TPRG1: variants seen among roughly 807,000 people sequenced by gnomAD.
TPRG1 encodes the protein tumor protein p63 regulated 1.
A neutral mutation model predicts 29.3 loss-of-function variants in TPRG1; 29 were observed. The observed-to-expected ratio is 0.99, with a 90% CI of 0.74 to 1.35. TPRG1 has a LOEUF of 1.35. Ranked by LOEUF, TPRG1 falls within the 40% of genes most tolerant of loss-of-function variation. The probability of loss-of-function intolerance (pLI) is 0.00; values close to 1 mark genes in which losing one functional copy is unlikely to be tolerated. For missense variants in TPRG1, 327 were observed against 335.0 expected, an observed-to-expected ratio of 0.98 and a Z score of 0.19; for synonymous variants, 130 against 116.8, an observed-to-expected ratio of 1.11 and a Z score of -0.73.
rs557580549 is a variant in TPRG1, at chr3:189,202,224, G to A, written c.-9-5152G>A. Among the ~76,000 whole-genome samples, 8 of 152,220 alleles carry A rather than the reference G, an allele frequency of 5.3e-5. No homozygotes were observed. The South Asian group carries it at 8.3e-4, about 16-fold the overall frequency. ...GGAAAGAATCATCTTAAGATCATGCGGTTTTTCTGTAGGACAGAAATCTTT... is the reference window on the plus strand; with the variant it reads ...GGAAAGAATCATCTTAAGATCATGCAGTTTTTCTGTAGGACAGAAATCTTT... On this transcript the variant is annotated intron_variant, in intron 1 of 5. Coordinates refer to ENST00000345063, the MANE Select transcript of TPRG1 (RefSeq NM_198485.4).
rs547402057 is a variant in TPRG1 at position 189,253,666 on chromosome 3, A to G, written c.479+14757A>G. On this transcript the variant is annotated intron_variant, in intron 4 of 5. Transcript: ENST00000345063. Reference sequence around the variant, plus strand: ...CTATTTCTAGTTCTAGATCCTTGAGAAATTGCCACACTGTCTTCCACAATG... The same window carrying G: ...CTATTTCTAGTTCTAGATCCTTGAGGAATTGCCACACTGTCTTCCACAATG... Among the ~76,000 whole-genome samples, 204 of 152,212 alleles carry G rather than the reference A, an allele frequency of 1.3e-3. 1 individual carries two copies. The highest frequency in any genetic ancestry group is 4.4e-3 in the African/African-American group (184 of 41,554).
chr3:189,010,522 G>A (rs1027993696), intron 3 of TPRG1, among the ~76,000 whole-genome samples: 1 of 152,000 alleles, frequency 6.6e-6, no homozygotes, highest in South Asian at 2.1e-4. Flanking sequence ...TTTGCATTTC[G>A]CTAATAATCT....
At chr3:189,004,226 A>G (rs1256042665) in intron 2 of TPRG1, among the ~76,000 whole-genome samples, 1 of 152,108 alleles carries the variant, frequency 6.6e-6, no homozygotes, top group African/African-American at 2.4e-5. Context: ...ATTTACCTAT[A>G]TAGTAAACCA....
intron 4 of TPRG1, among the ~76,000 whole-genome samples, chr3:189,054,737 G>A (rs1027528341): frequency 2.0e-5 from 3 of 151,962 alleles, no homozygotes; most frequent in Admixed American, 1.3e-4. Context: ...CTATGATTGC[G>A]TGACTGCACT....
intron 4 of TPRG1, among the ~76,000 whole-genome samples, chr3:189,029,148 A>AG (rs1713813061): frequency 6.6e-6 from 1 of 152,188 alleles, no homozygotes; most frequent in Admixed American, 6.5e-5. Context: ...AGTTAATATG[A>AG]TAATGCCTGC....
intron 5 of TPRG1, among the ~76,000 whole-genome samples, chr3:189,160,360 A>C (rs562609065): frequency 6.6e-6 from 1 of 152,208 alleles, no homozygotes; most frequent in Non-Finnish European, 1.5e-5. Flanking sequence ...CTGGGGAAAG[A>C]TGTGATAAAA....
At chr3:189,313,984 T>C (rs1029168291) in intron 5 of TPRG1, among the ~76,000 whole-genome samples, 4 of 152,072 alleles carry the variant, frequency 2.6e-5, no homozygotes, top group African/African-American at 9.7e-5. Flanking sequence ...CTAAACTAAG[T>C]TCGGAGCAGT....
At chr3:189,235,849 T>C (rs1739376214) in intron 3 of TPRG1, among the ~76,000 whole-genome samples, 1 of 152,162 alleles carries the variant, frequency 6.6e-6, no homozygotes, top group East Asian at 1.9e-4. Flanking sequence ...CTGTAGACCT[T>C]AGTTTGTCTT....
chr3:189,262,255 T>TAAGTATAA (rs1553933895), intron 4 of TPRG1, among the ~76,000 whole-genome samples: 64 of 151,614 alleles, frequency 4.2e-4, no homozygotes, highest in Non-Finnish European at 7.1e-4. Context: ...AGTATAAGTA[T>TAAGTATAA]AAGACTTGGT....
chr3:189,049,617 C>T (rs541847924), intron 4 of TPRG1, among the ~76,000 whole-genome samples: 1 of 152,286 alleles, frequency 6.6e-6, no homozygotes, highest in South Asian at 2.1e-4. Context: ...GGGCCCTGCC[C>T]ACCACCAGTT....
At chr3:189,165,568 C>T (rs969731578) in intron 5 of TPRG1, among the ~76,000 whole-genome samples, 1 of 151,838 alleles carries the variant, frequency 6.6e-6, no homozygotes, top group African/African-American at 2.4e-5. Context: ...AGGCAGGTGT[C>T]CAGGGACCTG....
At chr3:189,281,085 CT>C (rs1717052213) in intron 4 of TPRG1, among the ~76,000 whole-genome samples, 1 of 152,166 alleles carries the variant, frequency 6.6e-6, no homozygotes, top group South Asian at 2.1e-4. Flanking sequence ...CAACCAAATG[CT>C]GTTAAAATGT....
At chr3:189,155,766 T>C (rs963601880) in intron 5 of TPRG1, among the ~76,000 whole-genome samples, 3 of 152,218 alleles carry the variant, frequency 2.0e-5, no homozygotes, top group African/African-American at 7.2e-5. Context: ...ATCTCACTTA[T>C]GTGTAAAATC....
intron 5 of TPRG1, 129 bp downstream of exon 5, chr3:189,310,668 ACCAGC>A: frequency 4.5e-6 from 2 of 445,224 alleles, no homozygotes; most frequent in Non-Finnish European, 6.8e-6. Flanking sequence ...ATAAAATAAA[ACCAGC>A]AATTTATATA....
Position 189,289,653 on chromosome 3 carries a change from C to T in TPRG1, c.480-20733C>T, listed in dbSNP as rs143582752. On this transcript the variant is annotated intron_variant, in intron 4 of 5. Transcript: ENST00000345063. Reference sequence around the variant, plus strand: ...GAATTAATTGAGACTACTTCTTTAACGTGCCTAATACAGCAGCACTAGGTA... The same window carrying T: ...GAATTAATTGAGACTACTTCTTTAATGTGCCTAATACAGCAGCACTAGGTA... 3.2e-3 allele frequency among the ~76,000 whole-genome samples: 484 copies of T among 152,250 alleles called. 4 individuals are homozygous for T. The highest frequency in any genetic ancestry group is 0.011 in the African/African-American group (464 of 41,528).
intron 2 of TPRG1, among the ~76,000 whole-genome samples, chr3:189,212,916 A>G (rs1245948966): frequency 6.6e-6 from 1 of 152,226 alleles, no homozygotes; most frequent in Non-Finnish European, 1.5e-5. Context: ...TATGTTTTCA[A>G]AATTCCCCCA....
chr3:189,314,484 A>G (rs1252744153), intron 5 of TPRG1, among the ~76,000 whole-genome samples: 1 of 152,174 alleles, frequency 6.6e-6, no homozygotes, highest in Non-Finnish European at 1.5e-5. Flanking sequence ...GTCAAAATAT[A>G]CTATTCCCAT....
At chr3:189,233,209 A>G (rs548272048) in intron 3 of TPRG1, among the ~76,000 whole-genome samples, 35 of 151,966 alleles carry the variant, frequency 2.3e-4, no homozygotes, top group South Asian at 6.2e-4. Flanking sequence ...TGTGTGCAAG[A>G]GAGGGAGACA....
chr3:189,172,675 G>T (rs1032240660), intron 1 of TPRG1, among the ~76,000 whole-genome samples: 12 of 152,096 alleles, frequency 7.9e-5, no homozygotes, highest in African/African-American at 2.9e-4. Context: ...TTCATCTGAG[G>T]GAAATTTCAT....
Sources: allele counts gnomAD v4.1 joint callset (sites outside exome capture counted in the v4.1 genomes callset), GRCh38; gene constraint gnomAD v4.1.1; transcripts MANE v1.5; gene names NCBI Gene and HGNC (gene_info 2026-07-23, HGNC 2026-07-21).